Variants in SOX6 observed in about 807,000 individuals in gnomAD.
The protein encoded by SOX6 is SRY-box transcription factor 6.
A neutral mutation model predicts 97.8 loss-of-function variants in SOX6; 11 were observed. The observed-to-expected ratio is 0.11, with a 90% confidence interval of 0.07 to 0.19. The LOEUF (loss-of-function observed/expected upper bound fraction) is 0.19, where lower values mean the gene tolerates loss of function less well. SOX6 is among the 10% of genes least tolerant of loss of function. The pLI, the probability that SOX6 is intolerant of heterozygous loss-of-function variation, is 1.00. For synonymous variants in SOX6, 360 were observed against 371.4 expected, an observed-to-expected ratio of 0.97 and a Z score of 0.35; for missense variants, 810 against 1,039.5, an observed-to-expected ratio of 0.78 and a Z score of 3.04.
At chr11:16,002,462 TC>T (rs1428083686) in intron 13 of SOX6, among the ~76,000 whole-genome samples, 1 of 152,202 alleles carries the variant, frequency 6.6e-6, no homozygotes, top group Non-Finnish European at 1.5e-5. Flanking sequence ...TTATCTTATT[TC>T]AACTACAGAA....
At chr11:16,576,978 C>T (rs1311188788) in intron 4 of SOX6, 1 of 152,184 alleles carries the variant, frequency 6.6e-6, no homozygotes. Flanking sequence ...AGTTCGACAT[C>T]AATATGGTGA....
Position 16,089,643 on chromosome 11 carries a change from C to A in SOX6, c.1101+6353G>T, listed in dbSNP as rs561120963. On this transcript the variant is annotated intron_variant, in intron 9 of 15. Transcript: ENST00000683767. Reference sequence around the variant, plus strand: ...GTTTACCTGTAGCATATGAACTCTTCTACAAATAAAACAGAAAAGAGGAAC... The same window carrying A: ...GTTTACCTGTAGCATATGAACTCTTATACAAATAAAACAGAAAAGAGGAAC... Among the ~76,000 whole-genome samples, 211 of 152,120 alleles carry A rather than the reference C, an allele frequency of 1.4e-3. 1 individual carries two copies. The highest frequency in any genetic ancestry group is 4.7e-3 in the African/African-American group (197 of 41,538).
chr11:16,296,270 G>A (rs1047944442), intron 3 of SOX6, among the ~76,000 whole-genome samples: 1 of 151,948 alleles, frequency 6.6e-6, no homozygotes, highest in African/African-American at 2.4e-5. Context: ...TTAATACCAT[G>A]CTTTACTCAG....
chr11:16,511,526 G>GT lies in SOX6; in HGVS notation n.610-35139dup, dbSNP rs531606082. 3.0e-4 allele frequency among the ~76,000 whole-genome samples: 45 copies of GT among 151,652 alleles called. No individual in the cohort carries two copies. In the South Asian group the frequency reaches 5.4e-3, roughly 18 times the overall value. On this transcript the variant is annotated intron_variant and non_coding_transcript_variant, in intron 4 of 5. Coordinates refer to the SOX6 transcript ENST00000524520. ...CTGTTTTGTTTTTGTTTTTGTTTTT[G>GT]TTTTTTTTAATGTAGTACCTGAATT...
intron 3 of SOX6, among the ~76,000 whole-genome samples, chr11:16,679,119 G>A (rs925729731): frequency 5.3e-5 from 8 of 152,314 alleles, no homozygotes; most frequent in South Asian, 2.1e-4. Context: ...TTCTCCCAGC[G>A]TGGCATTCGA....
intron 3 of SOX6, among the ~76,000 whole-genome samples, chr11:16,657,323 G>A (rs2134017218): frequency 6.6e-6 from 1 of 152,200 alleles, no homozygotes; most frequent in East Asian, 1.9e-4. Flanking sequence ...CCATTATCTG[G>A]ATGTGCCACA....
chr11:15,980,877 ATG>A, intron 15 of SOX6, among the ~76,000 whole-genome samples: 1 of 151,956 alleles, frequency 6.6e-6, no homozygotes, highest in Non-Finnish European at 1.5e-5. Context: ...TTGTGTGTGT[ATG>A]TGTGTGTATA....
chr11:16,558,955 A>G (rs73417127), intron 4 of SOX6, among the ~76,000 whole-genome samples: 3,871 of 152,168 alleles, frequency 0.025, 153 homozygotes, highest in African/African-American at 0.088. Context: ...AAACTGAACA[A>G]TGCAGAAATT....
intron 1 of SOX6, among the ~76,000 whole-genome samples, chr11:16,421,060 T>C (rs1410279102): frequency 6.6e-6 from 1 of 152,192 alleles, no homozygotes; most frequent in Admixed American, 6.6e-5. Flanking sequence ...GCAAAATTGA[T>C]ACAAACCCTT....
At chr11:16,501,623 A>G (rs1051781401) in intron 4 of SOX6, among the ~76,000 whole-genome samples, 2 of 151,916 alleles carry the variant, frequency 1.3e-5, no homozygotes, top group Non-Finnish European at 2.9e-5. Flanking sequence ...AGAAAAAAAC[A>G]AACAACCCCA....
At chr11:16,659,420 A>G (rs1166978032) in intron 3 of SOX6, among the ~76,000 whole-genome samples, 2 of 152,142 alleles carry the variant, frequency 1.3e-5, no homozygotes, top group Non-Finnish European at 1.5e-5. Context: ...TTTTGCCAAC[A>G]CCATACTGTA....
chr11:16,095,914 TAAAA>T (rs5789938), intron 9 of SOX6, 78 bp downstream of exon 9: 373 of 1,234,888 alleles, frequency 3.0e-4, no homozygotes, highest in Non-Finnish European at 3.3e-4. Context: ...TTTGCCACTT[TAAAA>T]AAAAAAAAAA....
At chr11:16,076,079 C>T (rs114332984) in intron 9 of SOX6, among the ~76,000 whole-genome samples, 1,836 of 152,046 alleles carry the variant, frequency 0.012, 35 homozygotes, top group African/African-American at 0.041. Flanking sequence ...TGAAGCTGGA[C>T]CCCTTCCTTA....
rs1049583627 is a variant in SOX6 at position 15,997,898 on chromosome 11, T to C, written c.1733-8668A>G. On this transcript the variant is annotated intron_variant, in intron 13 of 15. Coordinates refer to ENST00000683767, the MANE Select transcript of SOX6 (RefSeq NM_001367873.1). ...GAGTTCAAGACCAGCCTGACCAATATGGTGAAACCCTGCTCTACTAAAAAT... is the reference window on the plus strand; with the variant it reads ...GAGTTCAAGACCAGCCTGACCAATACGGTGAAACCCTGCTCTACTAAAAAT... Among the ~76,000 whole-genome samples, 7 of 151,982 alleles carry C rather than the reference T, an allele frequency of 4.6e-5. No homozygotes were observed. The East Asian group carries it at 1.2e-3, about 25-fold the overall frequency.
chr11:16,201,494 A>G (rs921569502), intron 4 of SOX6, among the ~76,000 whole-genome samples: 1 of 150,608 alleles, frequency 6.6e-6, no homozygotes, highest in Non-Finnish European at 1.5e-5. Context: ...ATAAACAAAT[A>G]TATAAATGTA....
intron 2 of SOX6, among the ~76,000 whole-genome samples, chr11:16,732,317 C>A (rs1234454407): frequency 6.6e-6 from 1 of 152,132 alleles, no homozygotes; most frequent in Non-Finnish European, 1.5e-5. Flanking sequence ...GGAGGCATCA[C>A]AATACCTCAC....
chr11:16,081,323 G>C (rs926776457), intron 9 of SOX6, among the ~76,000 whole-genome samples: 9 of 151,936 alleles, frequency 5.9e-5, no homozygotes, highest in African/African-American at 2.2e-4. Flanking sequence ...CACTTCTCTG[G>C]AAAAGGAGAA....
At chr11:16,720,750 T>C (rs1848254846) in intron 2 of SOX6, among the ~76,000 whole-genome samples, 1 of 151,924 alleles carries the variant, frequency 6.6e-6, no homozygotes, top group Non-Finnish European at 1.5e-5. Context: ...TACTGATATA[T>C]GAAATAGTTA....
chr11:16,343,220 G>T lies in SOX6; in HGVS notation c.-4-1968C>A, dbSNP rs560302216. On this transcript the variant is annotated intron_variant, in intron 1 of 15. Transcript: ENST00000683767. ...TTATCAAGAGCTTGCCACAAACAAG[G>T]GTGATTTCCTATTTCAGATACTGAC... is the stretch of plus-strand genomic sequence containing the variant. Among the ~76,000 whole-genome samples, 21 of 151,814 alleles carry T rather than the reference G, an allele frequency of 1.4e-4. No individual in the cohort carries two copies. In the South Asian group the frequency reaches 4.0e-3, roughly 29 times the overall value.
Sources: allele counts gnomAD v4.1 joint callset (sites outside exome capture counted in the v4.1 genomes callset), GRCh38; gene constraint gnomAD v4.1.1; transcripts MANE v1.5; gene names NCBI Gene and HGNC (gene_info 2026-07-23, HGNC 2026-07-21).